TIMP3: variants seen among roughly 807,000 people sequenced by gnomAD.
TIMP3 encodes the protein metalloproteinase inhibitor 3.
In TIMP3, 11 loss-of-function variants were observed where a neutral mutation model predicts 30.0. That is an observed-to-expected ratio of 0.37 (90% CI 0.23 to 0.61). The LOEUF is 0.61. Among genes scored for constraint, TIMP3 ranks in the 20% least tolerant of loss-of-function variants. TIMP3 has a pLI of 0.70. For missense variants in TIMP3, 181 were observed against 276.8 expected (o/e 0.65, Z 2.45); for synonymous variants, 112 against 111.3 (o/e 1.01, Z -0.04).
intron 1 of TIMP3, among the ~76,000 whole-genome samples, chr22:32,816,161 C>T (rs1247395678): frequency 2.0e-5 from 3 of 151,916 alleles, no homozygotes; most frequent in Non-Finnish European, 4.4e-5. Flanking sequence ...CCCAGTTGGG[C>T]GAGGTCAGTG....
At chr22:32,810,639 G>GC (rs753800263) in intron 1 of TIMP3, among the ~76,000 whole-genome samples, 4 of 152,182 alleles carry the variant, frequency 2.6e-5, no homozygotes, top group Non-Finnish European at 5.9e-5. Context: ...CTCTGCCTCT[G>GC]CCCATGAGGG....
intron 1 of TIMP3, among the ~76,000 whole-genome samples, chr22:32,847,919 C>G (rs780874518): frequency 6.6e-6 from 1 of 152,210 alleles, no homozygotes; most frequent in Admixed American, 6.5e-5. Flanking sequence ...CATCACACCC[C>G]CTGATAGAGG....
chr22:32,810,878 C>T (rs2145986276), intron 1 of TIMP3, among the ~76,000 whole-genome samples: 1 of 152,306 alleles, frequency 6.6e-6, no homozygotes, highest in African/African-American at 2.4e-5. Context: ...CATGAATAAG[C>T]TCCCTGCCTT....
At chr22:32,855,787 A>G (rs1011874050) in intron 2 of TIMP3, among the ~76,000 whole-genome samples, 11 of 152,148 alleles carry the variant, frequency 7.2e-5, no homozygotes, top group African/African-American at 2.7e-4. Flanking sequence ...ACATGTCCCA[A>G]ATATTTCCTA....
intron 1 of TIMP3, among the ~76,000 whole-genome samples, chr22:32,816,165 G>C (rs1451935754): frequency 6.6e-6 from 1 of 152,134 alleles, no homozygotes; most frequent in African/African-American, 2.4e-5. Context: ...GTTGGGCGAG[G>C]TCAGTGTACC....
chr22:32,845,717 C>G (rs2048041947), intron 1 of TIMP3, among the ~76,000 whole-genome samples: 1 of 152,080 alleles, frequency 6.6e-6, no homozygotes, highest in African/African-American at 2.4e-5. Flanking sequence ...CCAGCCTGGC[C>G]CATCTGTAAA....
chr22:32,825,388 C>T (rs1180710609), intron 1 of TIMP3, among the ~76,000 whole-genome samples: 1 of 151,878 alleles, frequency 6.6e-6, no homozygotes, highest in East Asian at 1.9e-4. Flanking sequence ...TAGCCAGGCA[C>T]GGTGGCTCAC....
intron 2 of TIMP3, among the ~76,000 whole-genome samples, chr22:32,850,415 C>T (rs1352958422): frequency 6.6e-6 from 1 of 152,042 alleles, no homozygotes; most frequent in Admixed American, 6.6e-5. Flanking sequence ...TAAGGAGGAG[C>T]GGGTGGTATA....
At chr22:32,833,902 T>C (rs879364553) in intron 1 of TIMP3, 3 of 498,226 alleles carry the variant, frequency 6.0e-6, no homozygotes, top group Admixed American at 3.9e-5. Context: ...CTAATAATAG[T>C]ATTAGAATTA....
At chr22:32,817,887 C>T (rs972313572) in intron 1 of TIMP3, among the ~76,000 whole-genome samples, 2 of 152,164 alleles carry the variant, frequency 1.3e-5, no homozygotes, top group Admixed American at 6.5e-5. Flanking sequence ...GTCCCCTGGT[C>T]GTCTGGGCCA....
intron 1 of TIMP3, among the ~76,000 whole-genome samples, chr22:32,805,103 G>A (rs1156333090): frequency 1.3e-5 from 2 of 152,136 alleles, no homozygotes; most frequent in Admixed American, 1.3e-4. Flanking sequence ...CAGAGAAAGA[G>A]AATTTTGCTT....
At position 32,818,947 on chromosome 22, in the gene TIMP3, C is replaced by T. The variant is rs548309940; in HGVS notation, c.121+16825C>T. 6.7e-4 allele frequency among the ~76,000 whole-genome samples: 102 copies of T among 152,302 alleles called. 1 individual carries two copies. The highest frequency in any genetic ancestry group is 2.4e-3 in the African/African-American group (101 of 41,572). ...ACTTGGCCCCTGCAGCTACTCCTCG[C>T]CCCCTCCTGCATAATTTCCTATTTC... On this transcript the variant is annotated intron_variant, in intron 1 of 4. Coordinates refer to ENST00000266085, the MANE Select transcript of TIMP3 (RefSeq NM_000362.5).
chr22:32,831,925 A>G (rs961663092), intron 1 of TIMP3, among the ~76,000 whole-genome samples: 1 of 152,192 alleles, frequency 6.6e-6, no homozygotes, highest in African/African-American at 2.4e-5. Context: ...AATTGAGGCA[A>G]GGAGCTGAAT....
chr22:32,850,418 G>T (rs1055681356), intron 2 of TIMP3, among the ~76,000 whole-genome samples: 2 of 152,082 alleles, frequency 1.3e-5, no homozygotes, highest in African/African-American at 4.8e-5. Flanking sequence ...GGAGGAGCGG[G>T]TGGTATACAA....
chr22:32,846,421 G>A (rs559527208), intron 1 of TIMP3, among the ~76,000 whole-genome samples: 1 of 152,352 alleles, frequency 6.6e-6, no homozygotes, highest in East Asian at 1.9e-4. Context: ...AAGATGGTAT[G>A]CCCTAAGATG....
intron 1 of TIMP3, among the ~76,000 whole-genome samples, chr22:32,814,880 T>C (rs2047045763): frequency 6.6e-6 from 1 of 152,162 alleles, no homozygotes; most frequent in Non-Finnish European, 1.5e-5. Context: ...TTTCCCATAG[T>C]CATGTTTAAA....
chr22:32,821,597 C>T (rs921354587), intron 1 of TIMP3, among the ~76,000 whole-genome samples: 2 of 152,202 alleles, frequency 1.3e-5, no homozygotes, highest in Admixed American at 6.5e-5. Flanking sequence ...TTAAGATGAT[C>T]TCAGCTGAGG....
chr22:32,845,610 C>T (rs2048038315), intron 1 of TIMP3, among the ~76,000 whole-genome samples: 1 of 152,156 alleles, frequency 6.6e-6, no homozygotes, highest in Non-Finnish European at 1.5e-5. Context: ...CAGACACCAA[C>T]CTAGTTCATG....
chr22:32,859,039 A>G (rs996357196), intron 4 of TIMP3, 141 bp from the exon 5 acceptor site: 1 of 770,146 alleles, frequency 1.3e-6, no homozygotes, highest in South Asian at 1.4e-5. Context: ...AGCTAGTGCT[A>G]TTTATATTAT....
Sources: gnomAD v4.1 joint callset for allele counts (sites outside exome capture counted in the v4.1 genomes callset) on GRCh38, gnomAD v4.1.1 for gene constraint, MANE v1.5 for transcripts, NCBI Gene and HGNC (gene_info 2026-07-23, HGNC 2026-07-21) for gene names.